RBFOX1: variants seen among roughly 807,000 people sequenced by gnomAD.
The protein encoded by RBFOX1 is RNA binding protein fox-1 homolog 1.
RBFOX1 carries 8 observed loss-of-function variants against 57.7 expected under a neutral mutation model. That is an observed-to-expected ratio of 0.14 (90% CI 0.08 to 0.25). RBFOX1 has a LOEUF of 0.25. RBFOX1 is among the 10% of genes least tolerant of loss of function. The pLI is 1.00. For synonymous variants in RBFOX1, 326 were observed against 222.4 expected (o/e 1.47, Z -4.15); for missense variants, 611 against 548.5 (o/e 1.11, Z -1.14).
At chr16:6,963,280 A>C (rs1238123850) in intron 3 of RBFOX1, among the ~76,000 whole-genome samples, 5 of 152,104 alleles carry the variant, frequency 3.3e-5, no homozygotes, top group Non-Finnish European at 7.4e-5. Flanking sequence ...GGGTCTTTCA[A>C]CAGTGACTTT....
At chr16:5,400,533 T>TA (rs1225195780) in intron 1 of RBFOX1, among the ~76,000 whole-genome samples, 2 of 152,172 alleles carry the variant, frequency 1.3e-5, no homozygotes, top group Non-Finnish European at 2.9e-5. Context: ...CTATCCTGAT[T>TA]AAAAAATATT....
At chr16:6,421,956 C>T (rs1014928299) in intron 2 of RBFOX1, among the ~76,000 whole-genome samples, 79 of 137,350 alleles carry the variant, frequency 5.8e-4, no homozygotes, top group African/African-American at 2.0e-3. Flanking sequence ...AGTCTCACTC[C>T]GTTGCCCACC....
At position 5,570,665 on chromosome 16, in the gene RBFOX1, C is replaced by T. The variant is rs138482965; in HGVS notation, c.259-28237C>T. Among the ~76,000 whole-genome samples, 1,396 of 152,084 alleles carry T rather than the reference C, an allele frequency of 9.2e-3. 25 individuals carry two copies. Among genetic ancestry groups the T allele is most frequent in the African/African-American group, 0.032 (1,331 of 41,494 alleles). On this transcript the variant is annotated intron_variant, in intron 2 of 2. Coordinates refer to the RBFOX1 transcript ENST00000585867. ...GACCAGCCTTGCCAACATGATGAAA[C>T]CTCGTCTCTACTAAAAGTACAAAAA...
intron 1 of RBFOX1, among the ~76,000 whole-genome samples, chr16:6,314,247 C>T (rs1230638586): frequency 1.3e-5 from 2 of 152,118 alleles, no homozygotes; most frequent in East Asian, 1.9e-4. Flanking sequence ...ATGTAGTGAG[C>T]AGTACATAAG....
At chr16:6,509,663 C>G (rs1469416086) in intron 2 of RBFOX1, among the ~76,000 whole-genome samples, 1 of 152,094 alleles carries the variant, frequency 6.6e-6, no homozygotes, top group Non-Finnish European at 1.5e-5. Flanking sequence ...TTTAAGTGTA[C>G]ATTTTTAAAT....
chr16:6,339,055 A>C (rs777004613), intron 2 of RBFOX1, among the ~76,000 whole-genome samples: 1 of 152,204 alleles, frequency 6.6e-6, no homozygotes. Flanking sequence ...AGTGGAATGG[A>C]ATATGGCAAG....
intron 4 of RBFOX1, among the ~76,000 whole-genome samples, chr16:7,090,890 TCCCTTGACCAGCACA>T (rs2060728393): frequency 1.2e-5 from 1 of 84,754 alleles, no homozygotes. Flanking sequence ...CAGCACAACC[TCCCTTGACCAGCACA>T]AACTCCTGCT....
At chr16:6,013,269 G>T (rs1013526554) in intron 4 of RBFOX1, among the ~76,000 whole-genome samples, 16 of 152,150 alleles carry the variant, frequency 1.1e-4, no homozygotes, top group Admixed American at 3.9e-4. Context: ...AAACAAGCCT[G>T]CCCTAAATCA....
At chr16:7,568,784 G>C (rs917083218) in intron 5 of RBFOX1, among the ~76,000 whole-genome samples, 37 of 150,512 alleles carry the variant, frequency 2.5e-4, no homozygotes, top group African/African-American at 8.3e-4. Context: ...CTACTTGGGA[G>C]GCTGAGGCAG....
intron 2 of RBFOX1, among the ~76,000 whole-genome samples, chr16:5,529,817 C>A (rs745666340): frequency 6.6e-6 from 1 of 152,092 alleles, no homozygotes; most frequent in African/African-American, 2.4e-5. Flanking sequence ...ATCCACCCAC[C>A]TCAGATTCCC....
chr16:6,847,353 A>C (rs1430922733), intron 3 of RBFOX1, among the ~76,000 whole-genome samples: 1 of 152,050 alleles, frequency 6.6e-6, no homozygotes, highest in Non-Finnish European at 1.5e-5. Flanking sequence ...TCACAACTGC[A>C]AGGGGGTCTT....
At chr16:5,287,925 C>T (rs1567283642) in intron 1 of RBFOX1, among the ~76,000 whole-genome samples, 1 of 152,146 alleles carries the variant, frequency 6.6e-6, no homozygotes, top group Non-Finnish European at 1.5e-5. Flanking sequence ...CATCCGCAAC[C>T]CTCTAACCAT....
At chr16:6,435,538 C>T (rs575916266) in intron 2 of RBFOX1, among the ~76,000 whole-genome samples, 16 of 152,242 alleles carry the variant, frequency 1.1e-4, no homozygotes, top group East Asian at 1.9e-4. Context: ...TCCTTACCTT[C>T]GGTGATCCAC....
chr16:5,361,758 C>T (rs1239833371), intron 1 of RBFOX1, among the ~76,000 whole-genome samples: 3 of 152,212 alleles, frequency 2.0e-5, no homozygotes, highest in African/African-American at 7.2e-5. Context: ...TATTCTTGCT[C>T]AGGCCACCCA....
intron 4 of RBFOX1, among the ~76,000 whole-genome samples, chr16:7,121,156 T>C (rs531357995): frequency 3.9e-5 from 6 of 152,068 alleles, no homozygotes; most frequent in East Asian, 1.9e-4. Flanking sequence ...ACAGCTAATA[T>C]CATACTTATT....
chr16:6,126,436 C>G (rs2096590357), intron 1 of RBFOX1, among the ~76,000 whole-genome samples: 1 of 152,034 alleles, frequency 6.6e-6, no homozygotes, highest in African/African-American at 2.4e-5. Context: ...TTAAATTTTA[C>G]AACTCTGTGA....
At position 7,000,539 on chromosome 16, in the gene RBFOX1, T is replaced by A. The variant is rs1430702858; in HGVS notation, c.-15-51518T>A. ...GTTTGATGAGATTTTTGTTCAATTT[T>A]GCTTTTGGCAAAAACACATAATAAG... is the stretch of plus-strand genomic sequence containing the variant. On this transcript the variant is annotated intron_variant, in intron 3 of 15. Transcript: ENST00000550418. Among the ~76,000 whole-genome samples the A allele has an allele frequency of 1.3e-5, 2 of 151,928 alleles. 1 individual carries two copies. Among genetic ancestry groups the A allele is most frequent in the Non-Finnish European group, 2.9e-5 (2 of 67,980 alleles).
intron 3 of RBFOX1, among the ~76,000 whole-genome samples, chr16:6,852,649 G>C (rs934159614): frequency 2.6e-5 from 4 of 152,132 alleles, no homozygotes; most frequent in African/African-American, 9.7e-5. Flanking sequence ...GTACATGCTG[G>C]GAACTAGCTG....
intron 1 of RBFOX1, among the ~76,000 whole-genome samples, chr16:5,396,466 C>A (rs1184967398): frequency 1.3e-5 from 2 of 152,050 alleles, no homozygotes; most frequent in African/African-American, 4.8e-5. Flanking sequence ...CATGGCAAAA[C>A]CCCATCTCTA....
Sources: gnomAD v4.1 joint callset for allele counts (sites outside exome capture counted in the v4.1 genomes callset) on GRCh38, gnomAD v4.1.1 for gene constraint, MANE v1.5 for transcripts, NCBI Gene and HGNC (gene_info 2026-07-23, HGNC 2026-07-21) for gene names.